The following FIRRM variants were observed in gnomAD, a reference collection of about 807,000 sequenced individuals.
FIRRM encodes FIGNL1 interacting regulator of recombination and mitosis, also known as FIGNL1-interacting regulator of recombination and mitosis.
At chr1:169,792,431 G>A in the FIRRM span, 1 of 671,170 alleles carries the variant, frequency 1.5e-6, no homozygotes, top group East Asian at 3.0e-5. Flanking sequence ...GTAAAAGACT[G>A]GTAACATAGC....
At chr1:169,806,044 T>C in the FIRRM span, 1 of 1,603,850 alleles carries the variant, frequency 6.2e-7, no homozygotes, top group African/African-American at 1.3e-5. Context: ...TTATTTCCAG[T>C]ATGGACCATG....
chr1:169,790,817 T>C, the FIRRM span, among the ~76,000 whole-genome samples: 1 of 152,240 alleles, frequency 6.6e-6, no homozygotes, highest in South Asian at 2.1e-4. Context: ...TAGGTAAGTC[T>C]GGAATTGTAG....
chr1:169,794,995 C>A, the FIRRM span: 1 of 857,262 alleles, frequency 1.2e-6, no homozygotes, highest in Non-Finnish European at 1.8e-6. Context: ...CCGCCCTCCT[C>A]TCTATGGTTT....
At chr1:169,827,303 G>T in the FIRRM span, 1 of 989,396 alleles carries the variant, frequency 1.0e-6, no homozygotes, top group South Asian at 1.9e-5. Flanking sequence ...TTTTTATTAA[G>T]TTTCTTTTAC....
chr1:169,830,275 A>G, the FIRRM span: 1 of 1,613,294 alleles, frequency 6.2e-7, no homozygotes, highest in Non-Finnish European at 8.5e-7. Flanking sequence ...GCTCTGCTGA[A>G]TGCTGTACTT....
chr1:169,798,599 A>G, the FIRRM span, among the ~76,000 whole-genome samples: 1,818 of 152,264 alleles, frequency 0.012, 15 homozygotes, highest in Middle Eastern at 0.024. Flanking sequence ...AAAAAAATAA[A>G]TAAATAAATC....
At chr1:169,802,834 G>C in the FIRRM span, 2 of 639,978 alleles carry the variant, frequency 3.1e-6, no homozygotes, top group Non-Finnish European at 5.5e-6. Context: ...CCTAATGTTG[G>C]AATTAAATTT....
the FIRRM span, chr1:169,796,050 A>G: frequency 3.7e-6 from 3 of 815,960 alleles, no homozygotes; most frequent in African/African-American, 3.7e-5. Context: ...TACACTCAAA[A>G]GAAAAAAAGT....
the FIRRM span, chr1:169,850,659 G>A: frequency 4.9e-6 from 1 of 206,012 alleles, no homozygotes; most frequent in African/African-American, 2.3e-5. Flanking sequence ...AGCCGGGCAT[G>A]GTGGTACGCG....
At chr1:169,847,312 C>G in the FIRRM span, among the ~76,000 whole-genome samples, 13 of 48,274 alleles carry the variant, frequency 2.7e-4, no homozygotes, top group Admixed American at 7.4e-4. Flanking sequence ...CCTTATATTT[C>G]TAAAAAAAAA....
the FIRRM span, chr1:169,849,558 G>A: frequency 6.2e-7 from 1 of 1,613,998 alleles, no homozygotes; most frequent in South Asian, 1.1e-5. Flanking sequence ...GACAGGAGTT[G>A]GCTGCTAGAA....
At chr1:169,848,948 C>CTG in the FIRRM span, among the ~76,000 whole-genome samples, 1 of 152,172 alleles carries the variant, frequency 6.6e-6, no homozygotes, top group Admixed American at 6.5e-5. Flanking sequence ...TACGTTTTTG[C>CTG]TGTACCCAGT....
chr1:169,852,901 C>A, the FIRRM span: 2 of 1,614,062 alleles, frequency 1.2e-6, no homozygotes, highest in Non-Finnish European at 1.7e-6. Flanking sequence ...CCAAAAGGGT[C>A]CTGCTCCAGC....
At chr1:169,803,197 C>G in the FIRRM span, 31 of 1,613,816 alleles carry the variant, frequency 1.9e-5, no homozygotes, top group African/African-American at 3.6e-4. Flanking sequence ...GGAGCTCTCA[C>G]AGGATGTGTT....
chr1:169,797,578 G>A, the FIRRM span, among the ~76,000 whole-genome samples: 24 of 152,042 alleles, frequency 1.6e-4, no homozygotes, highest in Non-Finnish European at 3.1e-4. Flanking sequence ...GTTTTGAGAC[G>A]GAGTCTCACC....
At chr1:169,809,604 A>G in the FIRRM span, among the ~76,000 whole-genome samples, 4,078 of 152,288 alleles carry the variant, frequency 0.027, 208 homozygotes, top group East Asian at 0.22. Context: ...CTGTACATAA[A>G]GTATATCTTC....
the FIRRM span, chr1:169,837,003 T>TA: frequency 6.2e-7 from 1 of 1,613,934 alleles, no homozygotes; most frequent in Non-Finnish European, 8.5e-7. Context: ...TTCCAGGCGT[T>TA]ACCTCCTGAG....
At chr1:169,847,641 C>G in the FIRRM span, 1 of 1,335,042 alleles carries the variant, frequency 7.5e-7, no homozygotes, top group Non-Finnish European at 1.1e-6. Context: ...TGTGTCTGTA[C>G]AAAATACTGG....
the FIRRM span, among the ~76,000 whole-genome samples, chr1:169,790,289 C>T: frequency 4.7e-3 from 719 of 152,094 alleles, 3 homozygotes; most frequent in African/African-American, 0.016. Flanking sequence ...GTGCTTCTCA[C>T]GATTCTCTTG....
Sources: allele counts gnomAD v4.1 joint callset (sites outside exome capture counted in the v4.1 genomes callset), GRCh38; gene constraint gnomAD v4.1.1; transcripts MANE v1.5; gene names NCBI Gene and HGNC (gene_info 2026-07-23, HGNC 2026-07-21).